The following TMIGD3 variants were observed in gnomAD, a reference collection of about 807,000 sequenced individuals.
The protein encoded by TMIGD3 is AD026 protein (AD026).
In TMIGD3, 21 loss-of-function variants were observed where a neutral mutation model predicts 28.1. The observed-to-expected ratio is 0.75, with a 90% CI of 0.53 to 1.08. The LOEUF (loss-of-function observed/expected upper bound fraction) is 1.08, where lower values mean the gene tolerates loss of function less well. Ranked by LOEUF, TMIGD3 falls within the 50% of genes least tolerant of loss-of-function variation. The pLI is 0.00. For missense variants in TMIGD3, 416 were observed against 435.6 expected, an observed-to-expected ratio of 0.96 and a Z score of 0.40; for synonymous variants, 151 against 162.1, an observed-to-expected ratio of 0.93 and a Z score of 0.52.
At chr1:111,529,707 T>A (rs959769766) in intron 1 of TMIGD3, among the ~76,000 whole-genome samples, 18 of 151,564 alleles carry the variant, frequency 1.2e-4, no homozygotes, top group African/African-American at 4.4e-4. Context: ...ATCTACAGGA[T>A]CCCAAGGCAG....
intron 1 of TMIGD3, among the ~76,000 whole-genome samples, chr1:111,519,015 C>T (rs756189908): frequency 2.6e-5 from 4 of 152,012 alleles, no homozygotes; most frequent in South Asian, 2.1e-4. Flanking sequence ...CTTGACTCAC[C>T]GCAACCTCTG....
At chr1:111,520,421 T>C (rs375743084) in intron 1 of TMIGD3, among the ~76,000 whole-genome samples, 1 of 152,208 alleles carries the variant, frequency 6.6e-6, no homozygotes, top group Non-Finnish European at 1.5e-5. Flanking sequence ...AAGATGATGA[T>C]GGCAAAAGGG....
intron 1 of TMIGD3, among the ~76,000 whole-genome samples, chr1:111,493,008 CT>C (rs1052104451): frequency 3.9e-5 from 6 of 152,016 alleles, no homozygotes; most frequent in African/African-American, 1.5e-4. Flanking sequence ...TTTAAAACAT[CT>C]TTTAGAAATA....
At chr1:111,508,138 A>T (rs1655574399), upstream of TMIGD3, among the ~76,000 whole-genome samples, 1 of 152,208 alleles carries the variant, frequency 6.6e-6, no homozygotes, top group Non-Finnish European at 1.5e-5. Context: ...AGCAACAGGA[A>T]ATCCTGCCCC....
intron 1 of TMIGD3, among the ~76,000 whole-genome samples, chr1:111,531,325 T>C (rs1656453430): frequency 6.6e-6 from 1 of 152,134 alleles, no homozygotes; most frequent in East Asian, 1.9e-4. Flanking sequence ...CCTCTTTATG[T>C]TTCATTTGGT....
intron 1 of TMIGD3, among the ~76,000 whole-genome samples, chr1:111,541,371 A>G (rs959859741): frequency 1.3e-5 from 2 of 152,338 alleles, no homozygotes; most frequent in East Asian, 3.9e-4. Context: ...CAAGGTCTAT[A>G]TAAGGAAGCT....
upstream of TMIGD3, among the ~76,000 whole-genome samples, chr1:111,506,960 T>TATACACACACACACAC (rs1655519698): frequency 6.8e-6 from 1 of 147,286 alleles, no homozygotes; most frequent in Admixed American, 6.8e-5. Context: ...CACACATATA[T>TATACACACACACACAC]ATATACACAC....
intron 1 of TMIGD3, among the ~76,000 whole-genome samples, chr1:111,535,989 C>G (rs548455516): frequency 1.3e-5 from 2 of 152,262 alleles, no homozygotes; most frequent in African/African-American, 2.4e-5. Flanking sequence ...CCAGGCACCC[C>G]CTCCTCTCCT....
intron 1 of TMIGD3, among the ~76,000 whole-genome samples, chr1:111,560,185 T>C (rs969617775): frequency 2.0e-5 from 3 of 152,176 alleles, no homozygotes; most frequent in African/African-American, 7.2e-5. Context: ...ACACATGAGA[T>C]CACAAGAGAA....
At chr1:111,554,991 A>T (rs1253169359) in intron 1 of TMIGD3, among the ~76,000 whole-genome samples, 1 of 152,158 alleles carries the variant, frequency 6.6e-6, no homozygotes, top group African/African-American at 2.4e-5. Flanking sequence ...ATGGCTACAG[A>T]ATATTTTTTA....
At chr1:111,534,724 G>A (rs1656583387) in intron 1 of TMIGD3, among the ~76,000 whole-genome samples, 1 of 152,082 alleles carries the variant, frequency 6.6e-6, no homozygotes, top group African/African-American at 2.4e-5. Context: ...AAAATCAAGG[G>A]GGCAGATTTG....
At chr1:111,524,737 A>G (rs932762816) in intron 1 of TMIGD3, among the ~76,000 whole-genome samples, 3 of 152,102 alleles carry the variant, frequency 2.0e-5, no homozygotes, top group African/African-American at 7.2e-5. Flanking sequence ...CTCCTGCCTC[A>G]GCCTCTCGAG....
intron 1 of TMIGD3, among the ~76,000 whole-genome samples, chr1:111,511,519 C>T (rs1655690843): frequency 6.6e-6 from 1 of 152,186 alleles, no homozygotes; most frequent in South Asian, 2.1e-4. Flanking sequence ...CAAACCACTA[C>T]AGATAGAAAA....
At chr1:111,539,063 C>A (rs150868321) in intron 1 of TMIGD3, among the ~76,000 whole-genome samples, 2 of 152,146 alleles carry the variant, frequency 1.3e-5, no homozygotes, top group African/African-American at 2.4e-5. Flanking sequence ...CTTGGAGACA[C>A]CTAGGTTTAT....
At chr1:111,538,716 T>G (rs1369008890) in intron 1 of TMIGD3, among the ~76,000 whole-genome samples, 1 of 152,232 alleles carries the variant, frequency 6.6e-6, no homozygotes. Context: ...AAAGCATGTT[T>G]CCATCTAAAT....
chr1:111,561,844 G>A (rs1448624285), intron 1 of TMIGD3, among the ~76,000 whole-genome samples: 2 of 151,866 alleles, frequency 1.3e-5, no homozygotes, highest in African/African-American at 2.4e-5. Context: ...CCATTCCCAC[G>A]GCTATAGTCC....
intron 3 of TMIGD3, 105 bp from the exon 4 acceptor site, chr1:111,486,757 C>A: frequency 3.2e-6 from 3 of 951,776 alleles, no homozygotes; most frequent in African/African-American, 1.6e-5. Flanking sequence ...GAGAGTGAGT[C>A]CCCTGGTTGA....
At chr1:111,493,426 A>T (rs1654755849) in intron 1 of TMIGD3, among the ~76,000 whole-genome samples, 1 of 152,124 alleles carries the variant, frequency 6.6e-6, no homozygotes, top group South Asian at 2.1e-4. Context: ...ATCTCTGCCC[A>T]CTGGCTCCTC....
chr1:111,552,525 T>G (rs1657310618), intron 1 of TMIGD3, among the ~76,000 whole-genome samples: 2 of 152,228 alleles, frequency 1.3e-5, no homozygotes, highest in Admixed American at 6.5e-5. Flanking sequence ...AGTACCTTAC[T>G]CTACCATCTT....
Sources: allele counts gnomAD v4.1 joint callset (sites outside exome capture counted in the v4.1 genomes callset), GRCh38; gene constraint gnomAD v4.1.1; transcripts MANE v1.5; gene names NCBI Gene and HGNC (gene_info 2026-07-23, HGNC 2026-07-21).